Variants in CNTN4 observed in about 807,000 individuals in gnomAD.
The protein encoded by CNTN4 is contactin-4.
In CNTN4, 77 loss-of-function variants were observed where a neutral mutation model predicts 122.5. The observed-to-expected ratio is 0.63, with a 90% CI of 0.52 to 0.76. The LOEUF (loss-of-function observed/expected upper bound fraction) is 0.76. CNTN4 is among the 30% of genes least tolerant of loss of function. The pLI, the probability that CNTN4 is intolerant of heterozygous loss-of-function variation, is 0.00. For synonymous variants in CNTN4, 512 were observed against 447.0 expected (o/e 1.15, Z -1.83); for missense variants, 1,256 against 1,259.1 (o/e 1.00, Z 0.04).
intron 2 of CNTN4, among the ~76,000 whole-genome samples, chr3:2,251,303 T>C (rs931707386): frequency 6.6e-6 from 1 of 151,910 alleles, no homozygotes; most frequent in African/African-American, 2.4e-5. Flanking sequence ...CCCAAGGTAT[T>C]GTTTACCAAT....
Position 2,968,890 on chromosome 3 carries a change from T to G in CNTN4, c.1359-19455T>G, listed in dbSNP as rs59204323. ...GTATACACTGTCTCACAAGTGACAC[T>G]GTGTATTCATCACCACTCTTCAGGT... On this transcript the variant is annotated intron_variant, in intron 13 of 24. Transcript: ENST00000418658. Among the ~76,000 whole-genome samples, 141 of 152,338 alleles carry G rather than the reference T, an allele frequency of 9.3e-4. 1 individual carries two copies. The highest frequency in any genetic ancestry group is 3.3e-3 in the African/African-American group (138 of 41,574).
At chr3:2,636,924 G>GTTTTTTTTTTTTTTTTTTTTTTTTT (rs57301957) in intron 4 of CNTN4, among the ~76,000 whole-genome samples, 1 of 98,578 alleles carries the variant, frequency 1.0e-5, no homozygotes, top group Non-Finnish European at 2.0e-5. Context: ...TTCTTTCTTT[G>GTTTTTTTTTTTTTTTTTTTTTTTTT]TTTTTTTTTT....
At chr3:2,183,135 G>C (rs976361186) in intron 2 of CNTN4, among the ~76,000 whole-genome samples, 1 of 152,014 alleles carries the variant, frequency 6.6e-6, no homozygotes, top group Admixed American at 6.6e-5. Context: ...ACAGAAAGCA[G>C]CTATAACATT....
intron 13 of CNTN4, 48 bp downstream of exon 13, chr3:2,925,827 G>A (rs745749758): frequency 1.3e-6 from 2 of 1,514,160 alleles, no homozygotes; most frequent in South Asian, 2.3e-5. Context: ...GTAAAAATGT[G>A]TTGGTCTGTT....
Position 2,617,419 on chromosome 3 carries a change from C to CTT in CNTN4, c.55+45879_55+45880dup, listed in dbSNP as rs71058631. ...ACATCACTGATCTTTAGAGAAATGC[C>CTT]TTTTTTTTTTTTTTTTTTTGAGACA... On this transcript the variant is annotated intron_variant, in intron 4 of 24. Transcript: ENST00000418658. Among the ~76,000 whole-genome samples, 203 of 108,498 alleles carry CTT rather than the reference C, an allele frequency of 1.9e-3. 11 individuals carry two copies. Among genetic ancestry groups the CTT allele is most frequent in the South Asian group, 3.7e-3 (12 of 3,210 alleles). The allele number at this position is 108,498 out of a possible 152,430, so 71.2% of individuals were successfully genotyped here. A position where few individuals can be genotyped will look rare whatever the true frequency, so the allele number is the denominator to read the frequency against.
chr3:2,347,073 A>C (rs2044422957), intron 3 of CNTN4, among the ~76,000 whole-genome samples: 1 of 152,130 alleles, frequency 6.6e-6, no homozygotes, highest in African/African-American at 2.4e-5. Flanking sequence ...TCAGTTTTTA[A>C]ATTTGTTGTT....
At chr3:2,468,160 G>T (rs563537340) in intron 3 of CNTN4, among the ~76,000 whole-genome samples, 1 of 152,064 alleles carries the variant, frequency 6.6e-6, no homozygotes, top group African/African-American at 2.4e-5. Context: ...GACATTTTTG[G>T]CATTTTAATT....
intron 2 of CNTN4, among the ~76,000 whole-genome samples, chr3:2,235,990 C>T (rs930612654): frequency 2.6e-5 from 4 of 152,038 alleles, no homozygotes; most frequent in Admixed American, 6.6e-5. Flanking sequence ...GGAGATACAG[C>T]AGTGGGCCAT....
At chr3:2,415,966 G>A (rs1467059370) in intron 3 of CNTN4, among the ~76,000 whole-genome samples, 1 of 152,040 alleles carries the variant, frequency 6.6e-6, no homozygotes, top group African/African-American at 2.4e-5. Flanking sequence ...CTACCGGGCA[G>A]ATTTCAGTAT....
chr3:2,813,644 C>G (rs959046715), intron 6 of CNTN4, among the ~76,000 whole-genome samples: 2 of 152,104 alleles, frequency 1.3e-5, no homozygotes, highest in Non-Finnish European at 2.9e-5. Flanking sequence ...TGTGTAATGG[C>G]TAGTCCATTA....
intron 2 of CNTN4, among the ~76,000 whole-genome samples, chr3:2,205,698 C>G (rs1480262335): frequency 3.9e-5 from 6 of 152,050 alleles, no homozygotes; most frequent in Admixed American, 2.6e-4. Context: ...CTCAGCTTTT[C>G]TGCCTTTGAG....
intron 2 of CNTN4, among the ~76,000 whole-genome samples, chr3:2,199,292 C>T (rs539622899): frequency 6.6e-6 from 1 of 152,230 alleles, no homozygotes; most frequent in East Asian, 1.9e-4. Flanking sequence ...TATGTTCCTA[C>T]CACTATTCTG....
chr3:2,601,650 G>A (rs1053197891), intron 4 of CNTN4, among the ~76,000 whole-genome samples: 5 of 152,112 alleles, frequency 3.3e-5, no homozygotes, highest in African/African-American at 7.2e-5. Flanking sequence ...GATGCCTCCC[G>A]CTTTGTTCTT....
intron 13 of CNTN4, among the ~76,000 whole-genome samples, chr3:2,935,941 G>A (rs886276312): frequency 6.6e-6 from 1 of 152,190 alleles, no homozygotes; most frequent in African/African-American, 2.4e-5. Context: ...ATATTTAGGT[G>A]CAAGGAGCAG....
intron 3 of CNTN4, among the ~76,000 whole-genome samples, chr3:2,561,050 C>T (rs565499533): frequency 0.059 from 8,917 of 152,242 alleles, 532 homozygotes; most frequent in African/African-American, 0.16. Context: ...TAATGATGGA[C>T]ATACTAGTAA....
rs374545706 is a variant in CNTN4, at chr3:2,895,902, G to A, written c.941-4783G>A. ...ACAAAAATTAGCCGAGCGTGGTGGC[G>A]GGCGCCTGTGGTCCCAGCTACTCGG... On this transcript the variant is annotated intron_variant, in intron 10 of 24. Coordinates refer to ENST00000418658, the MANE Select transcript of CNTN4 (RefSeq NM_175607.3). 7.8e-4 allele frequency among the ~76,000 whole-genome samples: 118 copies of A among 152,048 alleles called. 1 individual carries two copies. Among genetic ancestry groups the A allele is most frequent in the South Asian group, 7.3e-3 (35 of 4,820 alleles).
chr3:2,818,233 C>T (rs146170093), intron 6 of CNTN4, among the ~76,000 whole-genome samples: 1 of 152,314 alleles, frequency 6.6e-6, no homozygotes, highest in East Asian at 1.9e-4. Context: ...AATGTACAAA[C>T]TTAAAATGTC....
chr3:2,398,716 A>T lies in CNTN4; in HGVS notation c.-89+59483A>T, dbSNP rs535986199. Among the ~76,000 whole-genome samples the T allele has an allele frequency of 3.7e-4, 56 of 152,298 alleles. 1 individual carries two copies. Among genetic ancestry groups the T allele is most frequent in the African/African-American group, 1.2e-3 (49 of 41,584 alleles). On this transcript the variant is annotated intron_variant, in intron 3 of 24. Coordinates refer to ENST00000418658, the MANE Select transcript of CNTN4 (RefSeq NM_175607.3). ...ATCTCCAAAATCACATTTCTGGCCC[A>T]TCATTGTTGGGGTGTATACCACGGA...
At chr3:2,328,337 C>T (rs1187054165) in intron 2 of CNTN4, among the ~76,000 whole-genome samples, 4 of 150,398 alleles carry the variant, frequency 2.7e-5, no homozygotes, top group Admixed American at 2.0e-4. Context: ...ACCCGGGAGG[C>T]GGAGCTTGCG....
Sources: gnomAD v4.1 joint callset for allele counts (sites outside exome capture counted in the v4.1 genomes callset) on GRCh38, gnomAD v4.1.1 for gene constraint, MANE v1.5 for transcripts, NCBI Gene and HGNC (gene_info 2026-07-23, HGNC 2026-07-21) for gene names.